KDM3B: variants seen among roughly 807,000 people sequenced by gnomAD.
The protein encoded by KDM3B is lysine demethylase 3B.
A neutral mutation model predicts 170.0 loss-of-function variants in KDM3B; 10 were observed. That is an observed-to-expected ratio of 0.06 (90% CI 0.04 to 0.10). The LOEUF (loss-of-function observed/expected upper bound fraction) is 0.10. Ranked by LOEUF, KDM3B falls within the 10% of genes least tolerant of loss-of-function variation. The pLI, the probability that KDM3B is intolerant of heterozygous loss-of-function variation, is 1.00. For synonymous variants in KDM3B, 831 were observed against 834.8 expected, an observed-to-expected ratio of 1.00 and a Z score of 0.08; for missense variants, 1,394 against 2,195.2, an observed-to-expected ratio of 0.64 and a Z score of 7.29.
chr5:138,433,978 G>A (rs1763606006), intron 23 of KDM3B, among the ~76,000 whole-genome samples: 1 of 152,152 alleles, frequency 6.6e-6, no homozygotes, highest in Non-Finnish European at 1.5e-5. Context: ...GACCTCAGGT[G>A]ATCCACCTGC....
chr5:138,397,265 G>T (rs1762571709), intron 9 of KDM3B, among the ~76,000 whole-genome samples: 1 of 152,122 alleles, frequency 6.6e-6, no homozygotes, highest in African/African-American at 2.4e-5. Flanking sequence ...AACCCCGGAG[G>T]AGGCGTTTGC....
intron 16 of KDM3B, among the ~76,000 whole-genome samples, chr5:138,424,768 G>A (rs1763354280): frequency 6.6e-6 from 1 of 152,162 alleles, no homozygotes; most frequent in South Asian, 2.1e-4. Context: ...TACAGAGCAA[G>A]ATTCCACCTC....
chr5:138,416,358 G>A (rs1763103224), intron 12 of KDM3B, among the ~76,000 whole-genome samples: 1 of 152,132 alleles, frequency 6.6e-6, no homozygotes, highest in African/African-American at 2.4e-5. Context: ...GGGAGGTTGA[G>A]GCGGGTGAAT....
chr5:138,405,864 T>C (rs1762805698), intron 11 of KDM3B, among the ~76,000 whole-genome samples: 1 of 152,228 alleles, frequency 6.6e-6, no homozygotes, highest in African/African-American at 2.4e-5. Flanking sequence ...GTAAGGATCT[T>C]ACACTTTATG....
intron 17 of KDM3B, among the ~76,000 whole-genome samples, chr5:138,426,480 C>T (rs562234594): frequency 6.7e-6 from 1 of 149,114 alleles, no homozygotes; most frequent in South Asian, 2.1e-4. Context: ...CAGGCTGAGC[C>T]AGGAGAATGG....
At chr5:138,429,749 T>C in intron 20 of KDM3B, 77 bp from the exon 21 acceptor site, 1 of 1,491,498 alleles carries the variant, frequency 6.7e-7, no homozygotes. Context: ...CTCAATTTAT[T>C]TAAATTGGAC....
intron 11 of KDM3B, among the ~76,000 whole-genome samples, chr5:138,410,136 A>T (rs1762925215): frequency 6.6e-6 from 1 of 152,160 alleles, no homozygotes. Flanking sequence ...TTGAATACTA[A>T]GACGTCACTT....
chr5:138,392,265 A>T lies in KDM3B; in HGVS notation c.2629+4A>T. 1 of 1,484,336 alleles carries T rather than the reference A, an allele frequency of 6.7e-7. No individual in the cohort carries two copies. Among genetic ancestry groups the T allele is most frequent in the Non-Finnish European group, 9.0e-7 (1 of 1,115,292 alleles). The allele number at this position is 1,484,336 out of a possible 1,614,324, so 91.9% of individuals were successfully genotyped here. On this transcript the variant is annotated splice_donor_region_variant and intron_variant, in intron 8 of 23. Coordinates refer to ENST00000314358, the MANE Select transcript of KDM3B (RefSeq NM_016604.4). ...CCTCGGACTGCCCCCCTGAAAGGTG[A>T]TCCTGCTGGGGCTATATTTGGGCTT...
intron 19 of KDM3B, 45 bp from the exon 20 acceptor site, chr5:138,427,922 C>T: frequency 1.3e-6 from 2 of 1,588,798 alleles, no homozygotes; most frequent in Non-Finnish European, 1.7e-6. Context: ...GTGGATTCTT[C>T]CAAATATTGG....
intron 1 of KDM3B, among the ~76,000 whole-genome samples, chr5:138,360,926 A>T (rs1761592107): frequency 6.6e-6 from 1 of 152,084 alleles, no homozygotes; most frequent in Admixed American, 6.6e-5. Flanking sequence ...GACTTGCTTC[A>T]CTAACTCCCC....
intron 1 of KDM3B, among the ~76,000 whole-genome samples, chr5:138,368,668 A>G (rs1761804506): frequency 1.3e-5 from 2 of 152,190 alleles, no homozygotes; most frequent in African/African-American, 4.8e-5. Context: ...TCCATAGTCC[A>G]TATTTACATA....
Position 138,426,136 on chromosome 5 carries a change from A to G in KDM3B, c.4411+554A>G, listed in dbSNP as rs376072126. ...TGCCTGGACTTAATCATGTGATTCC[A>G]TGGGCTATGCAGAGCACTTTCACTC... On this transcript the variant is annotated intron_variant, in intron 17 of 23. Coordinates refer to ENST00000314358, the MANE Select transcript of KDM3B (RefSeq NM_016604.4). 2.0e-5 allele frequency among the ~76,000 whole-genome samples: 3 copies of G among 152,370 alleles called. No homozygotes were observed. The East Asian group carries it at 5.8e-4, about 29-fold the overall frequency.
At chr5:138,431,322 T>C in intron 22 of KDM3B, 103 bp from the exon 23 acceptor site, 1 of 945,284 alleles carries the variant, frequency 1.1e-6, no homozygotes, top group South Asian at 2.1e-5. Flanking sequence ...GGAAATATTA[T>C]ACCTATTTCT....
intron 11 of KDM3B, among the ~76,000 whole-genome samples, chr5:138,410,388 AC>A (rs1762931141): frequency 6.6e-6 from 1 of 152,186 alleles, no homozygotes; most frequent in Non-Finnish European, 1.5e-5. Flanking sequence ...GTAAACCCAC[AC>A]ATACATAATC....
At chr5:138,368,394 G>C (rs926403721) in intron 1 of KDM3B, among the ~76,000 whole-genome samples, 3 of 151,198 alleles carry the variant, frequency 2.0e-5, no homozygotes, top group Admixed American at 6.6e-5. Context: ...CACCATGCCT[G>C]GTTTTTTTTT....
chr5:138,421,725 A>T (rs560861983), intron 15 of KDM3B, among the ~76,000 whole-genome samples: 33 of 152,208 alleles, frequency 2.2e-4, no homozygotes, highest in Non-Finnish European at 4.1e-4. Context: ...AAGGAGAAAA[A>T]TAATAAAATA....
At position 138,391,211 on chromosome 5, in the gene KDM3B, T is replaced by C. The variant is rs758250140; in HGVS notation, c.1579T>C (p.Phe527Leu). The change falls in exon 8 of 24, where the codon TTT becomes CTT. Residue 527 changes from phenylalanine (F) to leucine (L), a missense_variant. This residue lies in a region of KDM3B where 294 missense variants were observed against 311.7 expected (regional missense o/e 0.94). Transcript: ENST00000314358. This position sits in a 1 kb window ranked among gnomAD's most constrained non-coding sequence, Gnocchi z 5.0. ...KDTDLSKNLF[F>L]QCMSQTLPTS... ...CACTGATCTCTCCAAAAACTTGTTT[T>C]TTCAATGCATGTCCCAAACTTTACC... The C allele has an allele frequency of 6.2e-7, 1 of 1,614,046 alleles. No individual in the cohort carries two copies. The highest frequency in any genetic ancestry group is 8.5e-7 in the Non-Finnish European group (1 of 1,179,950).
At position 138,415,125 on chromosome 5, in the gene KDM3B, A is replaced by G. The variant is rs771858255; in HGVS notation, c.3200-7A>G. 1.3e-6 allele frequency: 2 copies of G among 1,571,660 alleles called. No homozygotes were observed. The highest frequency in any genetic ancestry group is 1.3e-5 in the African/African-American group (1 of 74,094). ...TTATAAAATAAGTGAAATCATTTCTATTTCAGAGACAGAAGAGATGGGTGA... is the reference window on the plus strand; with the variant it reads ...TTATAAAATAAGTGAAATCATTTCTGTTTCAGAGACAGAAGAGATGGGTGA... On this transcript the variant is annotated splice_region_variant and splice_polypyrimidine_tract_variant and intron_variant, in intron 11 of 23. Transcript: ENST00000314358.
chr5:138,353,082 G>T (rs1761368377), intron 1 of KDM3B, 95 bp downstream of exon 1: 3 of 942,746 alleles, frequency 3.2e-6, no homozygotes, highest in East Asian at 3.7e-5. Context: ...TGGGATGGGG[G>T]TGACCCATTT....
Sources: allele counts gnomAD v4.1 joint callset (sites outside exome capture counted in the v4.1 genomes callset), GRCh38; gene constraint gnomAD v4.1.1; regional missense constraint gnomAD v4.1.1; non-coding constraint Gnocchi (gnomAD v3.1); transcripts MANE v1.5; gene names NCBI Gene and HGNC (gene_info 2026-07-23, HGNC 2026-07-21).